Variants in STOM observed in about 807,000 individuals in gnomAD.
STOM encodes the protein erythrocyte band 7 integral membrane protein.
STOM carries 25 observed loss-of-function variants against 30.6 expected under a neutral mutation model. That is an observed-to-expected ratio of 0.82 (90% CI 0.60 to 1.14). The LOEUF is 1.14. Ranked by LOEUF, STOM falls within the 50% of genes most tolerant of loss-of-function variation. The pLI is 0.00. For missense variants in STOM, 292 were observed against 365.2 expected, an observed-to-expected ratio of 0.80 and a Z score of 1.63; for synonymous variants, 118 against 130.8, an observed-to-expected ratio of 0.90 and a Z score of 0.67.
intron 1 of STOM, among the ~76,000 whole-genome samples, chr9:121,368,773 T>C (rs1032384005): frequency 6.6e-6 from 1 of 152,000 alleles, no homozygotes; most frequent in East Asian, 1.9e-4. Flanking sequence ...AAACCCTGTA[T>C]CTACAAAAAA....
At chr9:121,346,340 A>G (rs12347910) in intron 6 of STOM, among the ~76,000 whole-genome samples, 6,825 of 152,272 alleles carry the variant, frequency 0.045, 384 homozygotes, top group Admixed American at 0.16. Context: ...GTTGTTACCC[A>G]GAGTGCTATA....
rs2064230672 is a variant in STOM, at chr9:121,339,864, C to A, written c.*1338G>T. 1 of 1,160,106 alleles carries A rather than the reference C, an allele frequency of 8.6e-7. No individual in the cohort carries two copies. The highest frequency in any genetic ancestry group is 4.7e-5 in the Admixed American group (1 of 21,500). 71.9% of individuals were successfully genotyped at this position (1,160,106 alleles called of 1,614,324 possible). A position where few individuals can be genotyped will look rare whatever the true frequency, so the allele number is the denominator to read the frequency against. On this transcript the variant is annotated 3_prime_UTR_variant, in exon 7 of 7. Coordinates refer to ENST00000286713, the MANE Select transcript of STOM (RefSeq NM_004099.6). ...ATCTATATAGATATTGTAAGTTTGA[C>A]AGTATCTGCCCAAGATCATTAGACA... is the stretch of plus-strand genomic sequence containing the variant.
In STOM at chr9:121,340,096, T is replaced by TA; in HGVS notation, c.*1105dup. ...ATATAGAACGTAGAGAAAATTTTATTAAAAAATTAAAACTATTTAAAACCT... is the reference window on the plus strand; with the variant it reads ...ATATAGAACGTAGAGAAAATTTTATTAAAAAAATTAAAACTATTTAAAACCT... On this transcript the variant is annotated 3_prime_UTR_variant, in exon 7 of 7. Coordinates refer to ENST00000286713, the MANE Select transcript of STOM (RefSeq NM_004099.6). The TA allele has an allele frequency of 2.0e-6, 2 of 977,410 alleles. No homozygotes were observed. The highest frequency in any genetic ancestry group is 2.4e-6 in the Non-Finnish European group (2 of 822,606). 60.5% of individuals were successfully genotyped at this position (977,410 alleles called of 1,614,324 possible). A position where few individuals can be genotyped will look rare whatever the true frequency, so the allele number is the denominator to read the frequency against.
chr9:121,354,979 G>C (rs1167191272), intron 2 of STOM, among the ~76,000 whole-genome samples: 1 of 151,778 alleles, frequency 6.6e-6, no homozygotes, highest in Non-Finnish European at 1.5e-5. Flanking sequence ...ACTCATGCAG[G>C]CCAGGCACGG....
At chr9:121,352,398 T>C (rs889489448) in intron 4 of STOM, among the ~76,000 whole-genome samples, 27 of 152,374 alleles carry the variant, frequency 1.8e-4, no homozygotes, top group Admixed American at 1.7e-3. Context: ...AAATCATCTC[T>C]AGATTACTTC....
intron 1 of STOM, among the ~76,000 whole-genome samples, chr9:121,361,889 C>T (rs535220108): frequency 1.3e-5 from 2 of 152,318 alleles, no homozygotes; most frequent in South Asian, 4.1e-4. Context: ...CACCACAGAT[C>T]ATCAGACATT....
intron 1 of STOM, among the ~76,000 whole-genome samples, chr9:121,363,904 T>C (rs1227186595): frequency 1.3e-5 from 2 of 152,182 alleles, no homozygotes; most frequent in Non-Finnish European, 1.5e-5. Flanking sequence ...TAAGGCCTGA[T>C]AAACAAAAAC....
chr9:121,361,479 C>A (rs559116189), intron 1 of STOM, among the ~76,000 whole-genome samples: 1 of 150,156 alleles, frequency 6.7e-6, no homozygotes, highest in Admixed American at 6.7e-5. Flanking sequence ...AGCTCTGCCC[C>A]CTGGGTTCAC....
intron 6 of STOM, among the ~76,000 whole-genome samples, chr9:121,346,494 C>T (rs974160653): frequency 1.3e-5 from 2 of 152,182 alleles, no homozygotes; most frequent in Admixed American, 6.5e-5. Flanking sequence ...CCTTTGGGCT[C>T]TGACATTCTA....
In STOM at chr9:121,341,230, ATGAT is replaced by A; in HGVS notation, c.835_838del (p.Ile279Ter). 1 of 1,614,102 alleles carries A rather than the reference ATGAT, an allele frequency of 6.2e-7. No individual in the cohort carries two copies. Among genetic ancestry groups the A allele is most frequent in the Non-Finnish European group, 8.5e-7 (1 of 1,180,024 alleles). Reference sequence around the variant, plus strand: ...GCCTAGATGGCTGTGTTTTGCCCCTATGATTCCTTGCAGCATATCTATGGGCAGA... The same window carrying A: ...GCCTAGATGGCTGTGTTTTGCCCCTATCCTTGCAGCATATCTATGGGCAGA... On this transcript the variant is annotated frameshift_variant, in exon 7 of 7. Coordinates refer to ENST00000286713, the MANE Select transcript of STOM (RefSeq NM_004099.6). LOFTEE classifies it low-confidence loss of function (END_TRUNC).
chr9:121,362,300 G>A (rs184464784), intron 1 of STOM, among the ~76,000 whole-genome samples: 7 of 152,062 alleles, frequency 4.6e-5, no homozygotes, highest in East Asian at 1.9e-4. Flanking sequence ...CTTGATATAC[G>A]TCTTTTAAAC....
intron 1 of STOM, among the ~76,000 whole-genome samples, chr9:121,365,476 G>GGT (rs2064494083): frequency 8.0e-6 from 1 of 125,750 alleles, no homozygotes; most frequent in Admixed American, 8.1e-5. Flanking sequence ...CCACTTTTTA[G>GGT]GTTTTTTTTT....
intron 1 of STOM, among the ~76,000 whole-genome samples, chr9:121,362,683 CT>C: frequency 6.6e-6 from 1 of 152,304 alleles, no homozygotes; most frequent in South Asian, 2.1e-4. Context: ...CATGTAGCTC[CT>C]CCTTACATAC....
At chr9:121,359,321 T>C (rs2064427577) in intron 1 of STOM, among the ~76,000 whole-genome samples, 1 of 152,192 alleles carries the variant, frequency 6.6e-6, no homozygotes, top group African/African-American at 2.4e-5. Context: ...ATCAGAAATA[T>C]AGTGAGTACT....
intron 2 of STOM, 112 bp downstream of exon 2, chr9:121,355,941 A>G: frequency 1.5e-6 from 1 of 656,784 alleles, no homozygotes; most frequent in Non-Finnish European, 2.4e-6. Context: ...AATAAGAATT[A>G]TAAGAGAGAG....
intron 6 of STOM, among the ~76,000 whole-genome samples, chr9:121,342,006 A>G (rs2064250991): frequency 6.6e-6 from 1 of 152,218 alleles, no homozygotes; most frequent in Admixed American, 6.5e-5. Flanking sequence ...TCTAGCATTA[A>G]ACAACAGCCA....
chr9:121,364,326 C>T (rs1248501397), intron 1 of STOM, among the ~76,000 whole-genome samples: 2 of 152,120 alleles, frequency 1.3e-5, no homozygotes, highest in East Asian at 1.9e-4. Flanking sequence ...TAATTAGGCA[C>T]GGCTTAGTTG....
intron 2 of STOM, among the ~76,000 whole-genome samples, chr9:121,355,209 G>A (rs921328807): frequency 1.4e-5 from 2 of 144,912 alleles, no homozygotes; most frequent in Non-Finnish European, 3.0e-5. Flanking sequence ...ACTCCAGCCT[G>A]GGCCACAAGG....
chr9:121,368,829 A>G (rs539832626), intron 1 of STOM, among the ~76,000 whole-genome samples: 1 of 152,106 alleles, frequency 6.6e-6, no homozygotes, highest in South Asian at 2.1e-4. Flanking sequence ...AATCCCAGCT[A>G]CTTGGGAGGA....
Sources: gnomAD v4.1 joint callset for allele counts (sites outside exome capture counted in the v4.1 genomes callset) on GRCh38, gnomAD v4.1.1 for gene constraint, MANE v1.5 for transcripts, NCBI Gene and HGNC (gene_info 2026-07-23, HGNC 2026-07-21) for gene names.